The following SCLT1 variants were observed in gnomAD, a reference collection of about 807,000 sequenced individuals.
SCLT1 encodes sodium channel-associated protein 1.
Under a neutral mutation model 112.8 loss-of-function variants are expected in SCLT1, and 78 were observed. The ratio of observed to expected loss-of-function variants is 0.69; its 90% CI spans 0.58 to 0.83. The LOEUF is 0.83. Among genes scored for constraint, SCLT1 ranks in the 40% least tolerant of loss-of-function variants. SCLT1 has a pLI of 0.00. For synonymous variants in SCLT1, 257 were observed against 254.7 expected (o/e 1.01, Z -0.09); for missense variants, 747 against 770.4 (o/e 0.97, Z 0.36).
intron 17 of SCLT1, among the ~76,000 whole-genome samples, chr4:128,939,534 CTCTT>C (rs1737503785): frequency 6.6e-6 from 1 of 152,062 alleles, no homozygotes; most frequent in Non-Finnish European, 1.5e-5. Flanking sequence ...TTTATGGTCT[CTCTT>C]CTTTCTTGCT....
rs376272222 is a variant in SCLT1, at chr4:129,083,050, G to A, written c.35-677C>T. ...CTACTAAAACTACAAAATTAGCCAA[G>A]AGTAGTGGCATGCGCCTGTAATCCC... On this transcript the variant is annotated intron_variant, in intron 1 of 20. Transcript: ENST00000281142. 9.2e-5 allele frequency among the ~76,000 whole-genome samples: 14 copies of A among 152,098 alleles called. No homozygotes were observed. In the South Asian group the frequency reaches 2.9e-3, roughly 32 times the overall value.
chr4:128,895,124 G>A (rs946962765), intron 18 of SCLT1, among the ~76,000 whole-genome samples: 9 of 151,992 alleles, frequency 5.9e-5, no homozygotes, highest in Non-Finnish European at 1.2e-4. Flanking sequence ...TTGTAATAAC[G>A]AGCTGCTTGG....
chr4:128,916,351 G>A (rs1282151633), intron 18 of SCLT1, among the ~76,000 whole-genome samples: 1 of 152,152 alleles, frequency 6.6e-6, no homozygotes, highest in Non-Finnish European at 1.5e-5. Context: ...ACACAAAAAT[G>A]ACATTAAACC....
intron 4 of SCLT1, among the ~76,000 whole-genome samples, chr4:129,042,849 C>T (rs1001001170): frequency 5.3e-5 from 8 of 151,808 alleles, no homozygotes; most frequent in East Asian, 3.9e-4. Flanking sequence ...CCGAGGCAGG[C>T]GGATCACGAG....
intron 9 of SCLT1, among the ~76,000 whole-genome samples, chr4:128,986,557 C>CT (rs1396065437): frequency 6.6e-6 from 1 of 152,122 alleles, no homozygotes; most frequent in African/African-American, 2.4e-5. Flanking sequence ...CAAAGAGACT[C>CT]TTTCTGCTCA....
chr4:128,880,920 T>C (rs1038981979), downstream of SCLT1, among the ~76,000 whole-genome samples: 3 of 152,124 alleles, frequency 2.0e-5, no homozygotes, highest in African/African-American at 7.2e-5. Flanking sequence ...TGCTTACACA[T>C]AGGCAAGTAT....
At chr4:128,903,135 AAC>A (rs558220024) in intron 18 of SCLT1, among the ~76,000 whole-genome samples, 1 of 152,332 alleles carries the variant, frequency 6.6e-6, no homozygotes, top group Non-Finnish European at 1.5e-5. Context: ...CAGTATAGGA[AAC>A]ACATAAACCA....
intron 9 of SCLT1, among the ~76,000 whole-genome samples, chr4:128,978,916 A>G (rs985137043): frequency 2.0e-5 from 3 of 152,108 alleles, no homozygotes; most frequent in Non-Finnish European, 4.4e-5. Context: ...AAAGAAAGAA[A>G]TGGTTACTCT....
intron 2 of SCLT1, among the ~76,000 whole-genome samples, chr4:129,057,345 T>C (rs984390976): frequency 3.9e-5 from 6 of 152,036 alleles, no homozygotes; most frequent in African/African-American, 1.4e-4. Context: ...CCTTGTGGGA[T>C]ACATTTGGAA....
At chr4:128,939,471 T>C (rs763804808) in intron 17 of SCLT1, among the ~76,000 whole-genome samples, 17 of 152,178 alleles carry the variant, frequency 1.1e-4, no homozygotes, top group South Asian at 8.3e-4. Context: ...TGATCTCCGA[T>C]TACAAAAATT....
At chr4:129,062,978 T>G (rs1750127308) in intron 2 of SCLT1, among the ~76,000 whole-genome samples, 1 of 152,234 alleles carries the variant, frequency 6.6e-6, no homozygotes, top group African/African-American at 2.4e-5. Context: ...TGTGCTTCTT[T>G]TTTTCTCTCT....
At chr4:129,032,209 A>G (rs1746786375) in intron 5 of SCLT1, among the ~76,000 whole-genome samples, 1 of 152,072 alleles carries the variant, frequency 6.6e-6, no homozygotes, top group Non-Finnish European at 1.5e-5. Context: ...TCTGATCTTC[A>G]ATAAACCTGG....
chr4:128,896,109 G>C (rs970075685), intron 18 of SCLT1, among the ~76,000 whole-genome samples: 1 of 152,214 alleles, frequency 6.6e-6, no homozygotes, highest in Admixed American at 6.5e-5. Context: ...CCACCTCTGG[G>C]GGCAGGGCAT....
intron 5 of SCLT1, among the ~76,000 whole-genome samples, chr4:129,012,182 C>G (rs111845798): frequency 6.6e-6 from 1 of 152,058 alleles, no homozygotes; most frequent in Non-Finnish European, 1.5e-5. Flanking sequence ...GCTATAAATT[C>G]CCTCTTAACA....
At chr4:128,958,422 C>T (rs1188027574) in intron 12 of SCLT1, among the ~76,000 whole-genome samples, 1 of 152,090 alleles carries the variant, frequency 6.6e-6, no homozygotes, top group Non-Finnish European at 1.5e-5. Context: ...AGCAATTAAG[C>T]AATGAGTCAA....
chr4:128,881,891 A>C (rs1732651577), downstream of SCLT1, among the ~76,000 whole-genome samples: 1 of 152,214 alleles, frequency 6.6e-6, no homozygotes, highest in Admixed American at 6.5e-5. Context: ...CAGAGGTCAG[A>C]AAGGCATATT....
chr4:129,025,263 G>T (rs1431733337), intron 5 of SCLT1, among the ~76,000 whole-genome samples: 19 of 151,202 alleles, frequency 1.3e-4, no homozygotes, highest in African/African-American at 4.1e-4. Context: ...TCACCAAAGT[G>T]GAAATGAAGG....
At chr4:128,874,908 C>CTTA (rs1732459941) in intron 4 of SCLT1, 2 of 151,656 alleles carry the variant, frequency 1.3e-5, no homozygotes, top group South Asian at 4.2e-4. Context: ...GTGTACAAAT[C>CTTA]TTATTTTGAA....
At chr4:129,047,622 C>T (rs1281203232) in intron 2 of SCLT1, among the ~76,000 whole-genome samples, 2 of 152,016 alleles carry the variant, frequency 1.3e-5, no homozygotes, top group African/African-American at 2.4e-5. Context: ...GGAGGGTTCC[C>T]CTTTCTCCAC....
Sources: gnomAD v4.1 joint callset for allele counts (sites outside exome capture counted in the v4.1 genomes callset) on GRCh38, gnomAD v4.1.1 for gene constraint, MANE v1.5 for transcripts, NCBI Gene and HGNC (gene_info 2026-07-23, HGNC 2026-07-21) for gene names.